OGDH: variants seen among roughly 807,000 people sequenced by gnomAD.
OGDH encodes oxoglutarate dehydrogenase, also known as 2-oxoglutarate dehydrogenase complex component E1.
Under a neutral mutation model 116.6 loss-of-function variants are expected in OGDH, and 38 were observed. The observed-to-expected ratio is 0.33, with a 90% CI of 0.25 to 0.43. The LOEUF (loss-of-function observed/expected upper bound fraction) is 0.43, where lower values mean the gene tolerates loss of function less well. Among genes scored for constraint, OGDH ranks in the 20% least tolerant of loss-of-function variants. The pLI is 1.00. For synonymous variants in OGDH, 488 were observed against 533.3 expected (o/e 0.92, Z 1.17); for missense variants, 825 against 1,357.2 (o/e 0.61, Z 6.16).
chr7:44,678,063 A>G (rs1442167731), intron 9 of OGDH, among the ~76,000 whole-genome samples: 1 of 152,130 alleles, frequency 6.6e-6, no homozygotes, highest in Non-Finnish European at 1.5e-5. Context: ...AAGAACGAGT[A>G]TGACCCACAG....
chr7:44,624,216 A>T (rs79361427), intron 1 of OGDH, 101 bp from the exon 2 acceptor site: 1 of 789,666 alleles, frequency 1.3e-6, no homozygotes, highest in East Asian at 2.5e-5. Context: ...TTAAAAAAAA[A>T]TTATCCTTTC....
intron 1 of OGDH, chr7:44,623,017 A>G (rs1405637573): frequency 6.6e-6 from 1 of 152,214 alleles, no homozygotes; most frequent in African/African-American, 2.4e-5. Flanking sequence ...TTATTGAACA[A>G]CTGCTCCATG....
intron 10 of OGDH, among the ~76,000 whole-genome samples, chr7:44,685,784 AT>A (rs1011512592): frequency 3.5e-4 from 51 of 146,936 alleles, no homozygotes; most frequent in Non-Finnish European, 5.7e-4. Context: ...ATGCCCAGCT[AT>A]TTTTTTTTTC....
At chr7:44,663,980 G>A (rs1161056819) in intron 4 of OGDH, among the ~76,000 whole-genome samples, 1 of 151,924 alleles carries the variant, frequency 6.6e-6, no homozygotes, top group Non-Finnish European at 1.5e-5. Context: ...GATGATGACT[G>A]TTCAAATCAC....
intron 2 of OGDH, among the ~76,000 whole-genome samples, chr7:44,641,181 A>T (rs1461762469): frequency 6.9e-6 from 1 of 145,486 alleles, no homozygotes; most frequent in East Asian, 2.0e-4. Context: ...GATTACAAGC[A>T]TGAGCCACCA....
intron 9 of OGDH, among the ~76,000 whole-genome samples, chr7:44,679,549 C>T (rs1261351049): frequency 6.6e-5 from 10 of 152,180 alleles, no homozygotes; most frequent in Non-Finnish European, 1.3e-4. Context: ...CACAAGAACT[C>T]AGGGAGGTGC....
At chr7:44,689,392 C>CTTTTTTTTTTTTTTT (rs561058807) in intron 10 of OGDH, among the ~76,000 whole-genome samples, 3 of 71,218 alleles carry the variant, frequency 4.2e-5, no homozygotes, top group African/African-American at 5.9e-5. Flanking sequence ...ATTTTTTTTT[C>CTTTTTTTTTTTTTTT]TTTTTTTTTT....
Position 44,705,197 on chromosome 7 carries a change from C to T in OGDH, c.2633-2028C>T, listed in dbSNP as rs570170891. On this transcript the variant is annotated intron_variant, in intron 20 of 22. Coordinates refer to ENST00000222673, the MANE Select transcript of OGDH (RefSeq NM_002541.4). ...CCTCCCAAGTAGCTGGGACTACAGG[C>T]GCCCGCCACTACGCCCAGCTAATTT... 4.7e-4 allele frequency among the ~76,000 whole-genome samples: 69 copies of T among 146,252 alleles called. No individual in the cohort carries two copies. In the South Asian group the frequency reaches 0.013, roughly 27 times the overall value.
chr7:44,619,243 G>A lies in OGDH; in HGVS notation c.-27-5074G>A, dbSNP rs146975253. Among the ~76,000 whole-genome samples the A allele has an allele frequency of 1.1e-4, 16 of 152,288 alleles. No homozygotes were observed. The East Asian group carries it at 2.5e-3, about 24-fold the overall frequency. ...TGAAATTTATTGAACCAAAGGAGGGGGTCATGGGATCTCCAGTTTCTAGCT... is the reference window on the plus strand; with the variant it reads ...TGAAATTTATTGAACCAAAGGAGGGAGTCATGGGATCTCCAGTTTCTAGCT... On this transcript the variant is annotated intron_variant, in intron 1 of 22. Coordinates refer to ENST00000222673, the MANE Select transcript of OGDH (RefSeq NM_002541.4).
chr7:44,635,045 A>G (rs1009742829), intron 2 of OGDH, among the ~76,000 whole-genome samples: 12 of 152,200 alleles, frequency 7.9e-5, no homozygotes, highest in Non-Finnish European at 1.3e-4. Flanking sequence ...CCTGGGCAGC[A>G]TTGGAAGGAG....
chr7:44,673,553 AG>A (rs1381033837), intron 5 of OGDH, among the ~76,000 whole-genome samples: 1 of 152,154 alleles, frequency 6.6e-6, no homozygotes, highest in Non-Finnish European at 1.5e-5. Flanking sequence ...GAAGGCTAGG[AG>A]GTTCTCTGTG....
intron 2 of OGDH, among the ~76,000 whole-genome samples, 190 bp from the exon 3 acceptor site, chr7:44,645,137 G>A (rs534369331): frequency 5.9e-5 from 9 of 152,276 alleles, no homozygotes; most frequent in South Asian, 2.1e-4. Flanking sequence ...GTTGTGGAAA[G>A]CAGGGAGCCT....
At chr7:44,656,451 A>G in intron 4 of OGDH, 1 of 1,175,174 alleles carries the variant, frequency 8.5e-7, no homozygotes, top group South Asian at 1.3e-5. Context: ...CAATATGGGG[A>G]AAGTTGACGC....
intron 10 of OGDH, among the ~76,000 whole-genome samples, chr7:44,686,246 G>A (rs568635776): frequency 6.6e-6 from 1 of 152,180 alleles, no homozygotes; most frequent in South Asian, 2.1e-4. Flanking sequence ...GGAAGAAAGT[G>A]TTTAGTATTT....
intron 2 of OGDH, among the ~76,000 whole-genome samples, chr7:44,632,649 G>A (rs1362799190): frequency 2.0e-5 from 3 of 151,494 alleles, no homozygotes; most frequent in Admixed American, 6.6e-5. Context: ...ATGGACTTTC[G>A]CTCTGTCACA....
chr7:44,626,334 CCT>C lies in OGDH; in HGVS notation c.222+1770_222+1771del, dbSNP rs1430941592. Among the ~76,000 whole-genome samples the C allele has an allele frequency of 5.4e-3, 616 of 114,880 alleles. 4 individuals are homozygous for C. The highest frequency in any genetic ancestry group is 0.018 in the African/African-American group (540 of 30,490). 75.4% of individuals were successfully genotyped at this position (114,880 alleles called of 152,430 possible). ...ACACACACACACACACACACACACC[CCT>C]ACACACACACACACACACACACACC... On this transcript the variant is annotated intron_variant, in intron 2 of 22. Coordinates refer to ENST00000222673, the MANE Select transcript of OGDH (RefSeq NM_002541.4).
rs180965644 is a variant in OGDH at position 44,670,818 on chromosome 7, A to G, written c.634-2969A>G. ...GAGGTCAGGAGATCGAGACCATCCT[A>G]GCTAACACAGTGAAACCCCGTCTCT... On this transcript the variant is annotated intron_variant, in intron 5 of 22. Coordinates refer to ENST00000222673, the MANE Select transcript of OGDH (RefSeq NM_002541.4). Among the ~76,000 whole-genome samples, 492 of 151,720 alleles carry G rather than the reference A, an allele frequency of 3.2e-3. 1 individual carries two copies. Among genetic ancestry groups the G allele is most frequent in the Middle Eastern group, 0.01 (3 of 294 alleles).
chr7:44,672,845 A>G (rs1787528074), intron 5 of OGDH, among the ~76,000 whole-genome samples: 2 of 151,588 alleles, frequency 1.3e-5, no homozygotes, highest in Non-Finnish European at 2.9e-5. Context: ...GTTTCACCAT[A>G]TTGGTCAGGC....
chr7:44,625,909 G>T (rs868332344), intron 2 of OGDH, among the ~76,000 whole-genome samples: 12 of 152,066 alleles, frequency 7.9e-5, no homozygotes, highest in Admixed American at 3.3e-4. Flanking sequence ...GGAATTCGAG[G>T]TTACAGTGCG....
Sources: allele counts gnomAD v4.1 joint callset (sites outside exome capture counted in the v4.1 genomes callset), GRCh38; gene constraint gnomAD v4.1.1; transcripts MANE v1.5; gene names NCBI Gene and HGNC (gene_info 2026-07-23, HGNC 2026-07-21).